Variants in AOPEP observed in about 807,000 individuals in gnomAD.
The protein encoded by AOPEP is aminopeptidase O (putative).
Under a neutral mutation model 98.1 loss-of-function variants are expected in AOPEP, and 77 were observed. That is an observed-to-expected ratio of 0.78 (90% CI 0.65 to 0.95). AOPEP has a LOEUF of 0.95. Among genes scored for constraint, AOPEP ranks in the 40% least tolerant of loss-of-function variants. AOPEP has a pLI of 0.00. For synonymous variants in AOPEP, 346 were observed against 365.3 expected (o/e 0.95, Z 0.60); for missense variants, 1,024 against 1,024.7 (o/e 1.00, Z 0.01).
chr9:94,956,215 T>G (rs189790191), intron 9 of AOPEP, among the ~76,000 whole-genome samples, 200 bp downstream of exon 9: 60 of 152,358 alleles, frequency 3.9e-4, no homozygotes, highest in African/African-American at 1.4e-3. Context: ...AAATAAACTA[T>G]AACCCAAAGC....
chr9:94,974,529 C>T (rs756455237), intron 10 of AOPEP, among the ~76,000 whole-genome samples: 7 of 152,212 alleles, frequency 4.6e-5, no homozygotes, highest in Non-Finnish European at 8.8e-5. Context: ...GGGCCTTTTG[C>T]CTCTGGATGC....
intron 11 of AOPEP, among the ~76,000 whole-genome samples, chr9:94,999,627 A>G (rs2061437285): frequency 6.6e-6 from 1 of 152,216 alleles, no homozygotes; most frequent in African/African-American, 2.4e-5. Flanking sequence ...GCTTCTTACC[A>G]GAACTTAATG....
At chr9:95,003,720 C>T (rs1443552412) in intron 11 of AOPEP, among the ~76,000 whole-genome samples, 2 of 152,130 alleles carry the variant, frequency 1.3e-5, no homozygotes, top group Non-Finnish European at 2.9e-5. Flanking sequence ...TATAATAACA[C>T]ATTGAAAAAT....
chr9:95,097,925 G>A, the AOPEP span, among the ~76,000 whole-genome samples: 2 of 152,062 alleles, frequency 1.3e-5, no homozygotes, highest in African/African-American at 2.4e-5. Context: ...AGGATTTTTC[G>A]ACAAAATCTA....
chr9:95,023,948 A>G (rs917777125), intron 13 of AOPEP, among the ~76,000 whole-genome samples: 1 of 152,266 alleles, frequency 6.6e-6, no homozygotes, highest in African/African-American at 2.4e-5. Flanking sequence ...TAGGTAAGCC[A>G]TAACATTACT....
At chr9:94,809,197 A>C (rs1849928472) in intron 5 of AOPEP, among the ~76,000 whole-genome samples, 1 of 152,234 alleles carries the variant, frequency 6.6e-6, no homozygotes, top group Non-Finnish European at 1.5e-5. Context: ...ATGTGGGAAA[A>C]GGAACTGTAG....
At chr9:94,741,435 G>A (rs1239183905) in intron 1 of AOPEP, among the ~76,000 whole-genome samples, 1 of 151,896 alleles carries the variant, frequency 6.6e-6, no homozygotes, top group East Asian at 1.9e-4. Context: ...ACCATGCCTG[G>A]CTAATTTTTG....
intron 14 of AOPEP, among the ~76,000 whole-genome samples, chr9:95,064,756 A>T (rs868360902): frequency 1.3e-5 from 2 of 151,242 alleles, no homozygotes; most frequent in Admixed American, 6.6e-5. Context: ...CAGCAACACA[A>T]TCATGTGACA....
At position 94,955,226 on chromosome 9, in the gene AOPEP, A is replaced by C; in HGVS notation, c.1711A>C (p.Ile571Leu). ...GHTSDSGASV[I>L]KHGLNPEKIF... ...CACAAGTGACTCGGGAGCATCTGTTATCAAGCATGGACTTAATCCGGAGAA... is the reference window on the plus strand; with the variant it reads ...CACAAGTGACTCGGGAGCATCTGTTCTCAAGCATGGACTTAATCCGGAGAA... The change falls in exon 8 of 17, where the codon ATC becomes CTC. Residue 571 changes from isoleucine to leucine, a missense_variant. Ile to Leu is a conservative substitution (Grantham distance 5). Transcript: ENST00000375315. 1 of 1,613,902 alleles carries C rather than the reference A, an allele frequency of 6.2e-7. No individual in the cohort carries two copies. The highest frequency in any genetic ancestry group is 8.5e-7 in the Non-Finnish European group (1 of 1,179,954).
chr9:95,085,968 C>T (rs1224769061), intron 16 of AOPEP: 1 of 1,353,662 alleles, frequency 7.4e-7, no homozygotes, highest in Non-Finnish European at 9.9e-7. Flanking sequence ...AGACGGTGCC[C>T]ACGGAGCTCC....
intron 14 of AOPEP, among the ~76,000 whole-genome samples, chr9:95,065,119 G>A (rs972644454): frequency 6.6e-6 from 1 of 152,184 alleles, no homozygotes; most frequent in Non-Finnish European, 1.5e-5. Flanking sequence ...ATTTTGTTTT[G>A]TTACAGAGTG....
chr9:94,973,962 A>G (rs1178626267), intron 10 of AOPEP, among the ~76,000 whole-genome samples: 3 of 152,210 alleles, frequency 2.0e-5, no homozygotes, highest in Non-Finnish European at 4.4e-5. Flanking sequence ...TAACCACTGT[A>G]TAAATCCAAT....
At chr9:94,902,532 T>C (rs928700036) in intron 5 of AOPEP, among the ~76,000 whole-genome samples, 1 of 152,194 alleles carries the variant, frequency 6.6e-6, no homozygotes, top group African/African-American at 2.4e-5. Flanking sequence ...AATTGCCTAG[T>C]TGAGAATTTA....
chr9:95,022,557 C>T (rs1057156689), intron 13 of AOPEP, among the ~76,000 whole-genome samples: 69 of 152,018 alleles, frequency 4.5e-4, no homozygotes, highest in Non-Finnish European at 5.6e-4. Flanking sequence ...GCCAGGATGG[C>T]CTCGATTTCC....
chr9:94,729,762 A>G (rs1830089599), intron 1 of AOPEP, among the ~76,000 whole-genome samples: 1 of 152,150 alleles, frequency 6.6e-6, no homozygotes, highest in South Asian at 2.1e-4. Context: ...ATGTCTCAAG[A>G]CGTTGCCAAA....
chr9:95,020,584 T>A (rs2063361604), intron 13 of AOPEP, among the ~76,000 whole-genome samples: 2 of 151,468 alleles, frequency 1.3e-5, no homozygotes. Flanking sequence ...ATGCTTGTTA[T>A]AGACCAACTG....
At chr9:94,891,892 G>A (rs1029108269) in intron 5 of AOPEP, among the ~76,000 whole-genome samples, 89 of 152,060 alleles carry the variant, frequency 5.9e-4, no homozygotes, top group African/African-American at 2.1e-3. Flanking sequence ...CTTTAAAGGT[G>A]GGTCTGCTAG....
intron 5 of AOPEP, among the ~76,000 whole-genome samples, chr9:94,914,012 A>C (rs573829790): frequency 6.6e-6 from 1 of 152,362 alleles, no homozygotes; most frequent in Admixed American, 6.5e-5. Context: ...TTGCTAAATC[A>C]TCTTATAGCC....
chr9:94,908,594 A>G (rs957093189), intron 5 of AOPEP, among the ~76,000 whole-genome samples: 7 of 152,156 alleles, frequency 4.6e-5, no homozygotes, highest in Non-Finnish European at 7.3e-5. Flanking sequence ...ATCATCATAC[A>G]CAAAACCGTC....
Sources: allele counts gnomAD v4.1 joint callset (sites outside exome capture counted in the v4.1 genomes callset), GRCh38; gene constraint gnomAD v4.1.1; transcripts MANE v1.5; gene names NCBI Gene and HGNC (gene_info 2026-07-23, HGNC 2026-07-21).